Variants in PHF8 observed in about 807,000 individuals in gnomAD.
PHF8 encodes the protein histone lysine demethylase PHF8.
A neutral mutation model predicts 74.4 loss-of-function variants in PHF8; 9 were observed. The observed-to-expected ratio is 0.12, with a 90% CI of 0.07 to 0.21. The LOEUF (loss-of-function observed/expected upper bound fraction) is 0.21, where lower values mean the gene tolerates loss of function less well. Among genes scored for constraint, PHF8 ranks in the 10% least tolerant of loss-of-function variants. The probability of loss-of-function intolerance (pLI) is 1.00; values close to 1 mark genes in which losing one functional copy is unlikely to be tolerated. For synonymous variants in PHF8, 311 were observed against 316.6 expected (o/e 0.98, Z 0.19); for missense variants, 478 against 816.6 (o/e 0.59, Z 5.05).
chrX:54,024,719 T>C (rs1310865840), intron 2 of PHF8, among the ~76,000 whole-genome samples: 1 of 111,926 alleles, frequency 8.9e-6, no homozygotes, highest in Non-Finnish European at 1.9e-5. Context: ...TTACTACAGG[T>C]CTGTGGTAAG....
chrX:53,983,983 T>C (rs2097717452), intron 18 of PHF8, among the ~76,000 whole-genome samples: 1 of 112,447 alleles, frequency 8.9e-6, no homozygotes, highest in Non-Finnish European at 1.9e-5. Context: ...GAGGAAACAG[T>C]GTTAGTCAAA....
chrX:53,993,013 T>C, intron 13 of PHF8, 174 bp from the exon 14 acceptor site: 1 of 468,898 alleles, frequency 2.1e-6, no homozygotes, highest in Non-Finnish European at 3.8e-6. Context: ...AGGTTGAAAA[T>C]GTGTGGTTGG....
At chrX:53,964,661 T>C (rs1256998045) in intron 18 of PHF8, among the ~76,000 whole-genome samples, 1 of 110,360 alleles carries the variant, frequency 9.1e-6, no homozygotes, top group African/African-American at 3.3e-5. Context: ...AGGTCATGAG[T>C]TCGAGACCAG....
chrX:54,048,424 C>G (rs1317418858), upstream of PHF8, among the ~76,000 whole-genome samples: 3 of 112,091 alleles, frequency 2.7e-5, no homozygotes, highest in Non-Finnish European at 5.6e-5. Context: ...ACAGTTAATT[C>G]AAACACATTC....
At chrX:53,987,600 T>G (rs782183839) in intron 15 of PHF8, among the ~76,000 whole-genome samples, 166 bp downstream of exon 15, 1 of 111,737 alleles carries the variant, frequency 8.9e-6, no homozygotes, top group African/African-American at 3.2e-5. Context: ...TCCCAGCTAC[T>G]CAGGAGGCTG....
intron 18 of PHF8, among the ~76,000 whole-genome samples, chrX:53,979,633 A>G (rs950703109): frequency 8.9e-6 from 1 of 111,938 alleles, no homozygotes; most frequent in African/African-American, 3.2e-5. Context: ...TCTCAAGAAA[A>G]TATCGATTCA....
rs781843717 is a variant in PHF8 at position 53,944,222 on chromosome X, G to A, written c.2561C>T (p.Pro854Leu). 4 of 1,205,751 alleles carry A rather than the reference G, an allele frequency of 3.3e-6. No individual in the cohort carries two copies. Among genetic ancestry groups the A allele is most frequent in the Admixed American group, 2.2e-5 (1 of 45,778 alleles). ...CTCACGCACAGGACGGTCCTGCTTC[G>A]GCAGAGTTGGGGTCACGCGGGCTGC... ...SPKARVTPTL[P>L]KQDRPVREGT... Residue 854 changes from proline (P) to leucine (L), a missense_variant, in exon 20 of 22, where the codon CCG (proline) becomes CTG (leucine). Pro to Leu is a moderately conservative substitution (Grantham distance 98). Coordinates refer to ENST00000338154, the MANE Select transcript of PHF8 (RefSeq NM_015107.3).
upstream of PHF8, chrX:54,044,865 G>A (rs1235134024): frequency 1.7e-6 from 2 of 1,153,686 alleles, no homozygotes; most frequent in Admixed American, 2.6e-5. Flanking sequence ...GGTAGAGGCG[G>A]AGTACTCACC....
chrX:53,977,530 G>A (rs947259008), intron 18 of PHF8, among the ~76,000 whole-genome samples: 2 of 111,227 alleles, frequency 1.8e-5, no homozygotes, highest in African/African-American at 6.5e-5. Context: ...ATACTTATTA[G>A]GATGATTAAA....
chrX:53,986,839 C>A (rs1260402392), intron 16 of PHF8, among the ~76,000 whole-genome samples: 2 of 111,196 alleles, frequency 1.8e-5, no homozygotes, highest in African/African-American at 6.5e-5. Flanking sequence ...TACTAGAAGG[C>A]TGAGCTGGCC....
At chrX:54,006,939 CAAAA>C (rs1219211822) in intron 8 of PHF8, among the ~76,000 whole-genome samples, 1 of 27,759 alleles carries the variant, frequency 3.6e-5, no homozygotes. Context: ...AACTTCATCT[CAAAA>C]AAAAAAAAAA....
At chrX:53,960,233 G>A (rs1049709056) in intron 19 of PHF8, among the ~76,000 whole-genome samples, 40 of 106,945 alleles carry the variant, frequency 3.7e-4, no homozygotes, top group Admixed American at 9.1e-4. Context: ...CTGCCACCAC[G>A]CCCGGCTAAG....
intron 18 of PHF8, among the ~76,000 whole-genome samples, chrX:53,967,300 C>A (rs1443529338): frequency 7.6e-5 from 8 of 105,197 alleles, no homozygotes; most frequent in Non-Finnish European, 1.0e-4. Context: ...CCAGCCGCCC[C>A]GTCCGGGAGG....
At chrX:53,950,196 T>C (rs2064901420) in intron 19 of PHF8, among the ~76,000 whole-genome samples, 1 of 111,457 alleles carries the variant, frequency 9.0e-6, no homozygotes. Flanking sequence ...AAAACAGCAG[T>C]CCAAGTTCCC....
intron 14 of PHF8, among the ~76,000 whole-genome samples, chrX:53,989,528 G>A (rs1254824153): frequency 9.2e-6 from 1 of 108,689 alleles, no homozygotes; most frequent in African/African-American, 3.4e-5. Flanking sequence ...AACAACAAAC[G>A]TTGGCCAGTA....
chrX:54,027,928 A>G (rs1282309178), intron 2 of PHF8, among the ~76,000 whole-genome samples: 1 of 110,659 alleles, frequency 9.0e-6, no homozygotes. Flanking sequence ...GGTAGAAAAA[A>G]AAACAGGAAG....
chrX:53,938,758 AG>A lies in PHF8; in HGVS notation c.*399del. ...CTTCTGGATATAGGGCTAGAGTTGCAGAAAGTGTCAAGCACTGGGCTTCCCA... is the reference window on the plus strand; with the variant it reads ...CTTCTGGATATAGGGCTAGAGTTGCAAAAGTGTCAAGCACTGGGCTTCCCA... On this transcript the variant is annotated 3_prime_UTR_variant, in exon 22 of 22. Transcript: ENST00000338154. 1 of 771,897 alleles carries A rather than the reference AG, an allele frequency of 1.3e-6. No homozygotes were observed. Among genetic ancestry groups the A allele is most frequent in the Non-Finnish European group, 1.5e-6 (1 of 651,103 alleles). 63.6% of individuals were successfully genotyped at this position (771,897 alleles called of 1,213,427 possible). A position where few individuals can be genotyped will look rare whatever the true frequency, so the allele number is the denominator to read the frequency against.
At chrX:54,005,733 C>T (rs1569528176) in intron 8 of PHF8, among the ~76,000 whole-genome samples, 2 of 108,133 alleles carry the variant, frequency 1.8e-5, no homozygotes, top group African/African-American at 3.4e-5. Context: ...GAGGCCAGAA[C>T]GAAACAGCAA....
At chrX:53,969,215 A>G (rs187039730) in intron 18 of PHF8, among the ~76,000 whole-genome samples, 1 of 111,307 alleles carries the variant, frequency 9.0e-6, no homozygotes, top group South Asian at 3.8e-4. Flanking sequence ...AGCCTGGGTG[A>G]CAGAACGAGA....
Sources: gnomAD v4.1 joint callset for allele counts (sites outside exome capture counted in the v4.1 genomes callset) on GRCh38, gnomAD v4.1.1 for gene constraint, MANE v1.5 for transcripts, NCBI Gene and HGNC (gene_info 2026-07-23, HGNC 2026-07-21) for gene names.